ANKS1B: variants seen among roughly 807,000 people sequenced by gnomAD.
ANKS1B encodes the protein ankyrin repeat and sterile alpha motif domain-containing protein 1B.
A neutral mutation model predicts 148.3 loss-of-function variants in ANKS1B; 36 were observed. The observed-to-expected ratio is 0.24, with a 90% CI of 0.19 to 0.32. The LOEUF is 0.32. Among genes scored for constraint, ANKS1B ranks in the 10% least tolerant of loss-of-function variants. ANKS1B has a pLI of 1.00. For synonymous variants in ANKS1B, 542 were observed against 560.8 expected (o/e 0.97, Z 0.47); for missense variants, 1,157 against 1,542.6 (o/e 0.75, Z 4.19).
At chr12:99,229,766 C>A (rs1040387646) in intron 14 of ANKS1B, among the ~76,000 whole-genome samples, 7 of 151,902 alleles carry the variant, frequency 4.6e-5, no homozygotes, top group African/African-American at 1.7e-4. Context: ...TATGAGGTCA[C>A]TAATGGTAGA....
At chr12:99,790,985 T>C (rs2153644362) in intron 4 of ANKS1B, among the ~76,000 whole-genome samples, 1 of 152,058 alleles carries the variant, frequency 6.6e-6, no homozygotes, top group African/African-American at 2.4e-5. Context: ...ATAGAGTGGC[T>C]GAATAGATAA....
rs546807679 is a variant in ANKS1B at position 98,950,153 on chromosome 12, G to A, written c.2778+103004C>T. On this transcript the variant is annotated intron_variant, in intron 17 of 26. Transcript: ENST00000683438. ...GTCAGGTTCAAGTAGTAACTCCCAA[G>A]GGTTCAACCACATAATGACGCATTG... is the stretch of plus-strand genomic sequence containing the variant. Among the ~76,000 whole-genome samples the A allele has an allele frequency of 2.4e-4, 36 of 152,332 alleles. No individual in the cohort carries two copies. In the South Asian group the frequency reaches 6.8e-3, roughly 29 times the overall value.
intron 15 of ANKS1B, among the ~76,000 whole-genome samples, chr12:99,151,983 T>A (rs2075058580): frequency 6.6e-6 from 1 of 152,182 alleles, no homozygotes; most frequent in African/African-American, 2.4e-5. Flanking sequence ...CAGGTCAGAA[T>A]GTGCTTCAAG....
At chr12:99,544,380 G>C (rs184035926) in intron 9 of ANKS1B, among the ~76,000 whole-genome samples, 55 of 152,248 alleles carry the variant, frequency 3.6e-4, no homozygotes, top group African/African-American at 1.2e-3. Context: ...TTTGAAGTCT[G>C]ACAGTCCCTA....
intron 11 of ANKS1B, among the ~76,000 whole-genome samples, chr12:99,436,465 TTATC>T (rs2152768047): frequency 6.6e-6 from 1 of 152,196 alleles, no homozygotes; most frequent in Admixed American, 6.6e-5. Flanking sequence ...TTTTTATTCC[TTATC>T]TATTTTTTGC....
At chr12:99,416,724 C>T (rs2094920690) in intron 11 of ANKS1B, among the ~76,000 whole-genome samples, 1 of 152,138 alleles carries the variant, frequency 6.6e-6, no homozygotes, top group African/African-American at 2.4e-5. Context: ...TTTGAGAGTG[C>T]TTTATAAGTT....
chr12:99,369,604 A>G (rs2092970461), intron 12 of ANKS1B, among the ~76,000 whole-genome samples: 1 of 143,084 alleles, frequency 7.0e-6, no homozygotes, highest in Non-Finnish European at 1.5e-5. Context: ...CTCAGTGTGC[A>G]AGGTATTACG....
intron 14 of ANKS1B, among the ~76,000 whole-genome samples, chr12:99,232,178 A>C (rs779918026): frequency 2.0e-5 from 3 of 152,314 alleles, no homozygotes; most frequent in Non-Finnish European, 2.9e-5. Flanking sequence ...CAATATAGAC[A>C]ATGTACTCTA....
chr12:98,921,984 G>C (rs1174570692), intron 17 of ANKS1B, among the ~76,000 whole-genome samples: 1 of 152,170 alleles, frequency 6.6e-6, no homozygotes, highest in Non-Finnish European at 1.5e-5. Flanking sequence ...ACAAATGTGA[G>C]GGCGATCTGC....
chr12:99,872,833 T>C lies in ANKS1B; in HGVS notation c.135-47444A>G, dbSNP rs557030082. 4.2e-4 allele frequency among the ~76,000 whole-genome samples: 64 copies of C among 152,308 alleles called. 1 individual carries two copies. Among genetic ancestry groups the C allele is most frequent in the African/African-American group, 1.4e-3 (59 of 41,582 alleles). On this transcript the variant is annotated intron_variant, in intron 1 of 26. Transcript: ENST00000683438. ...AAACTATCTCTTTAGGGAAATTATA[T>C]AGATACACCAATCCTAAGTAAACAT... is the stretch of plus-strand genomic sequence containing the variant.
intron 14 of ANKS1B, among the ~76,000 whole-genome samples, chr12:99,166,187 C>A (rs1471629414): frequency 6.6e-6 from 1 of 151,406 alleles, no homozygotes; most frequent in Non-Finnish European, 1.5e-5. Flanking sequence ...AGACTGAATG[C>A]TTTTCTGTTA....
intron 9 of ANKS1B, among the ~76,000 whole-genome samples, chr12:99,645,960 T>C (rs1418307306): frequency 6.7e-6 from 1 of 149,338 alleles, no homozygotes; most frequent in Middle Eastern, 3.4e-3. Context: ...AGCGCTCTAA[T>C]GGAACTCTAA....
chr12:99,375,340 T>C (rs982493949), intron 12 of ANKS1B, among the ~76,000 whole-genome samples: 46 of 152,162 alleles, frequency 3.0e-4, no homozygotes, highest in African/African-American at 1.0e-3. Context: ...CACTGGTGTA[T>C]ATCATTGCTA....
At chr12:99,107,718 C>CT (rs2059520259) in intron 15 of ANKS1B, among the ~76,000 whole-genome samples, 1 of 152,202 alleles carries the variant, frequency 6.6e-6, no homozygotes, top group South Asian at 2.1e-4. Flanking sequence ...CACAGGCTCA[C>CT]TTGTAGGTTT....
At chr12:98,951,201 G>C (rs2099853568) in intron 17 of ANKS1B, among the ~76,000 whole-genome samples, 1 of 152,142 alleles carries the variant, frequency 6.6e-6, no homozygotes, top group African/African-American at 2.4e-5. Context: ...ATCCTGGCCA[G>C]TCTTCCTGGC....
chr12:99,851,508 T>C (rs893546896), intron 1 of ANKS1B, among the ~76,000 whole-genome samples: 2 of 152,138 alleles, frequency 1.3e-5, no homozygotes, highest in African/African-American at 4.8e-5. Context: ...ACTAAAAATC[T>C]AAATAAGAAA....
chr12:99,746,792 T>C lies in ANKS1B; in HGVS notation c.1128+26130A>G, dbSNP rs143949768. Among the ~76,000 whole-genome samples the C allele has an allele frequency of 4.6e-5, 7 of 152,260 alleles. No homozygotes were observed. In the East Asian group the frequency reaches 1.4e-3, roughly 29 times the overall value. ...ACATACAGAAGCAATCCAGCCTGCA[T>C]CTGAGACAGGTGTATTTTTTTCTAA... On this transcript the variant is annotated intron_variant, in intron 8 of 26. Transcript: ENST00000683438.
rs368884819 is a variant in ANKS1B, at chr12:99,265,815, G to C, written c.1757-18951C>G. Among the ~76,000 whole-genome samples, 223 of 152,138 alleles carry C rather than the reference G, an allele frequency of 1.5e-3. 2 individuals carry two copies. Among genetic ancestry groups the C allele is most frequent in the African/African-American group, 5.1e-3 (213 of 41,518 alleles). Reference sequence around the variant, plus strand: ...CTGCCCCCATGTATTTCTTTACTTCGTGCTTTAACCTTCTAAAGTCTTCTC... The same window carrying C: ...CTGCCCCCATGTATTTCTTTACTTCCTGCTTTAACCTTCTAAAGTCTTCTC... On this transcript the variant is annotated intron_variant, in intron 12 of 26. Transcript: ENST00000683438.
chr12:98,788,419 C>G (rs2098817668), intron 22 of ANKS1B, among the ~76,000 whole-genome samples: 1 of 152,094 alleles, frequency 6.6e-6, no homozygotes, highest in African/African-American at 2.4e-5. Context: ...GGAAGTTTCC[C>G]CCTCTAGACA....
Sources: allele counts gnomAD v4.1 joint callset (sites outside exome capture counted in the v4.1 genomes callset), GRCh38; gene constraint gnomAD v4.1.1; transcripts MANE v1.5; gene names NCBI Gene and HGNC (gene_info 2026-07-23, HGNC 2026-07-21).